The following VANGL1 variants were observed in gnomAD, a reference collection of about 807,000 sequenced individuals.
The protein encoded by VANGL1 is vang-like protein 1.
Under a neutral mutation model 48.4 loss-of-function variants are expected in VANGL1, and 18 were observed. The ratio of observed to expected loss-of-function variants is 0.37; its 90% CI spans 0.26 to 0.55. The LOEUF (loss-of-function observed/expected upper bound fraction) is 0.55, where lower values mean the gene tolerates loss of function less well. Among genes scored for constraint, VANGL1 ranks in the 20% least tolerant of loss-of-function variants. The pLI, the probability that VANGL1 is intolerant of heterozygous loss-of-function variation, is 0.81. For missense variants in VANGL1, 667 were observed against 675.8 expected, an observed-to-expected ratio of 0.99 and a Z score of 0.14; for synonymous variants, 257 against 261.8, an observed-to-expected ratio of 0.98 and a Z score of 0.18.
chr1:115,674,651 A>C (rs1653098214), intron 4 of VANGL1, among the ~76,000 whole-genome samples: 1 of 152,170 alleles, frequency 6.6e-6, no homozygotes, highest in African/African-American at 2.4e-5. Flanking sequence ...GACATTTTCC[A>C]CGTGTGAAGA....
intron 3 of VANGL1, among the ~76,000 whole-genome samples, chr1:115,662,016 T>C (rs1026195478): frequency 6.6e-6 from 1 of 152,084 alleles, no homozygotes; most frequent in African/African-American, 2.4e-5. Flanking sequence ...ACCGCCAGAG[T>C]GGTTTTCCAG....
chr1:115,678,044 A>T (rs1444492017), intron 4 of VANGL1, among the ~76,000 whole-genome samples: 3 of 152,226 alleles, frequency 2.0e-5, no homozygotes, highest in Non-Finnish European at 4.4e-5. Flanking sequence ...GATTGCATGA[A>T]CAGAGAAGTT....
At chr1:115,653,338 G>A (rs1652223794) in intron 2 of VANGL1, among the ~76,000 whole-genome samples, 1 of 152,154 alleles carries the variant, frequency 6.6e-6, no homozygotes, top group Non-Finnish European at 1.5e-5. Flanking sequence ...AAACCCTCTG[G>A]CCATAAGAAT....
At chr1:115,648,921 G>C (rs1041636975) in intron 1 of VANGL1, among the ~76,000 whole-genome samples, 2 of 152,232 alleles carry the variant, frequency 1.3e-5, no homozygotes, top group Non-Finnish European at 2.9e-5. Flanking sequence ...ATCTAGAAGA[G>C]AGTGGGAAAT....
At chr1:115,675,550 A>C (rs1653129458) in intron 4 of VANGL1, among the ~76,000 whole-genome samples, 1 of 152,174 alleles carries the variant, frequency 6.6e-6, no homozygotes, top group African/African-American at 2.4e-5. Flanking sequence ...CTGTAATCCC[A>C]GCACTTTGGG....
intron 4 of VANGL1, among the ~76,000 whole-genome samples, chr1:115,672,600 A>G (rs1653021237): frequency 6.6e-6 from 1 of 152,162 alleles, no homozygotes; most frequent in Non-Finnish European, 1.5e-5. Flanking sequence ...TTTGTTGTGC[A>G]GTTTAAACCA....
intron 2 of VANGL1, among the ~76,000 whole-genome samples, chr1:115,655,336 G>T (rs992625916): frequency 6.6e-6 from 1 of 152,152 alleles, no homozygotes; most frequent in East Asian, 1.9e-4. Flanking sequence ...GAATTACAGG[G>T]GTTCTAGCTG....
At position 115,689,357 on chromosome 1, in the gene VANGL1, C is replaced by T. The variant is rs1465317942; in HGVS notation, c.1315-1762C>T. ...GAATAAAAGAGGATACCGGGCCGGG[C>T]GCGGTGGCTCACACCTGTAATCCCA... On this transcript the variant is annotated intron_variant, in intron 7 of 7. Coordinates refer to ENST00000355485, the MANE Select transcript of VANGL1 (RefSeq NM_138959.3). Among the ~76,000 whole-genome samples the T allele has an allele frequency of 3.7e-5, 5 of 136,214 alleles. 1 individual carries two copies. The highest frequency in any genetic ancestry group is 1.4e-4 in the African/African-American group (5 of 36,144). 89.4% of individuals were successfully genotyped at this position (136,214 alleles called of 152,430 possible). A position where few individuals can be genotyped will look rare whatever the true frequency, so the allele number is the denominator to read the frequency against.
intron 7 of VANGL1, 127 bp from the exon 8 acceptor site, chr1:115,690,992 G>A (rs560333383): frequency 1.5e-6 from 2 of 1,298,684 alleles, no homozygotes; most frequent in Non-Finnish European, 2.2e-6. Flanking sequence ...GTGATGAGCT[G>A]GGCTCTGGTC....
intron 1 of VANGL1, among the ~76,000 whole-genome samples, chr1:115,648,056 G>A (rs1037242493): frequency 1.3e-5 from 2 of 152,144 alleles, no homozygotes; most frequent in African/African-American, 4.8e-5. Flanking sequence ...AACGTGATGA[G>A]GGGAGAGGAG....
chr1:115,648,817 T>G (rs1652033895), intron 1 of VANGL1, among the ~76,000 whole-genome samples: 1 of 152,168 alleles, frequency 6.6e-6, no homozygotes, highest in South Asian at 2.1e-4. Context: ...CCAGCAGCAT[T>G]TAGCAAAAAG....
chr1:115,682,351 C>A lies in VANGL1; in HGVS notation c.813-13C>A. The A allele has an allele frequency of 1.9e-6, 3 of 1,613,828 alleles. No homozygotes were observed. The highest frequency in any genetic ancestry group is 1.3e-5 in the African/African-American group (1 of 75,026). On this transcript the variant is annotated splice_polypyrimidine_tract_variant and intron_variant, in intron 4 of 7. Coordinates refer to ENST00000355485, the MANE Select transcript of VANGL1 (RefSeq NM_138959.3). ...GAAAAAGCTTTGCATTAATTTTGTT[C>A]TTTTTTTCTCAGTATCCAGCGAGCA... is the stretch of plus-strand genomic sequence containing the variant.
chr1:115,656,114 C>T (rs1043979780), intron 2 of VANGL1, among the ~76,000 whole-genome samples: 1 of 152,236 alleles, frequency 6.6e-6, no homozygotes, highest in African/African-American at 2.4e-5. Context: ...GGAAGTGCCT[C>T]ACCTTCATCT....
At position 115,692,112 on chromosome 1, in the gene VANGL1, C is replaced by T. The variant is rs575100770; in HGVS notation, c.*733C>T. On this transcript the variant is annotated 3_prime_UTR_variant, in exon 8 of 8. Transcript: ENST00000355485. The stretch of plus-strand genomic sequence containing the variant: ...CATCCTGCCCCCACCTGGCTGGCAG[C>T]CCTGGCTCTCCATGTGTGCCCTCCG... 1.3e-5 allele frequency: 2 copies of T among 153,608 alleles called. No homozygotes were observed. Among genetic ancestry groups the T allele is most frequent in the South Asian group, 4.1e-4 (2 of 4,854 alleles). 9.5% of individuals were successfully genotyped at this position (153,608 alleles called of 1,614,324 possible). A position where few individuals can be genotyped will look rare whatever the true frequency, so the allele number is the denominator to read the frequency against.
chr1:115,652,333 G>T (rs1231731864), intron 2 of VANGL1, among the ~76,000 whole-genome samples: 2 of 152,180 alleles, frequency 1.3e-5, no homozygotes, highest in African/African-American at 4.8e-5. Flanking sequence ...TAGAATGTTT[G>T]TTAAGTAGAA....
chr1:115,662,415 T>C (rs1313993756), intron 3 of VANGL1, among the ~76,000 whole-genome samples: 1 of 152,238 alleles, frequency 6.6e-6, no homozygotes, highest in Non-Finnish European at 1.5e-5. Context: ...CTCTTTGGCC[T>C]CCTGTGTCTT....
intron 7 of VANGL1, among the ~76,000 whole-genome samples, chr1:115,689,497 C>T (rs1333872060): frequency 2.9e-5 from 4 of 136,128 alleles, no homozygotes; most frequent in Non-Finnish European, 6.4e-5. Context: ...ATTAGCCAGG[C>T]GTGGTGGCGC....
intron 4 of VANGL1, among the ~76,000 whole-genome samples, chr1:115,671,998 T>C (rs993985932): frequency 6.6e-6 from 1 of 152,218 alleles, no homozygotes; most frequent in Non-Finnish European, 1.5e-5. Context: ...CAACCTTGTA[T>C]TGCTTAGTTG....
chr1:115,674,135 A>G (rs908651360), intron 4 of VANGL1, among the ~76,000 whole-genome samples: 1 of 152,038 alleles, frequency 6.6e-6, no homozygotes, highest in African/African-American at 2.4e-5. Flanking sequence ...TTCTGCTCAC[A>G]CTGCTTTCTC....
Sources: gnomAD v4.1 joint callset for allele counts (sites outside exome capture counted in the v4.1 genomes callset) on GRCh38, gnomAD v4.1.1 for gene constraint, MANE v1.5 for transcripts, NCBI Gene and HGNC (gene_info 2026-07-23, HGNC 2026-07-21) for gene names.